Variants in ZBTB7C observed in about 807,000 individuals in gnomAD.
The protein encoded by ZBTB7C is zinc finger and BTB domain containing 7C, also known as zinc finger and BTB domain-containing protein 7C.
A neutral mutation model predicts 25.7 loss-of-function variants in ZBTB7C; 8 were observed. The ratio of observed to expected loss-of-function variants is 0.31; its 90% CI spans 0.18 to 0.56. The LOEUF is 0.56. ZBTB7C is among the 20% of genes least tolerant of loss of function. ZBTB7C has a pLI of 0.91. For synonymous variants in ZBTB7C, 394 were observed against 369.0 expected (o/e 1.07, Z -0.78); for missense variants, 824 against 855.2 (o/e 0.96, Z 0.46).
intron 1 of ZBTB7C, among the ~76,000 whole-genome samples, chr18:48,377,446 C>CA (rs2047545890): frequency 1.3e-5 from 2 of 152,136 alleles, no homozygotes; most frequent in Admixed American, 1.3e-4. Context: ...GAGGAGGTGA[C>CA]ATTTGAACTG....
At chr18:48,131,625 A>C (rs1408730428) in intron 3 of ZBTB7C, among the ~76,000 whole-genome samples, 2 of 152,212 alleles carry the variant, frequency 1.3e-5, no homozygotes, top group African/African-American at 2.4e-5. Flanking sequence ...TGGAGCTGAA[A>C]TATCAGCATG....
At chr18:48,255,760 C>T (rs1271627986) in intron 2 of ZBTB7C, among the ~76,000 whole-genome samples, 1 of 152,076 alleles carries the variant, frequency 6.6e-6, no homozygotes, top group East Asian at 1.9e-4. Context: ...GAAGTGTTGC[C>T]CAATTCTAGA....
intron 3 of ZBTB7C, chr18:48,137,191 C>A: frequency 4.1e-6 from 4 of 985,544 alleles, no homozygotes; most frequent in Non-Finnish European, 4.8e-6. Context: ...AGCACTCCCT[C>A]CCCACCCTCC....
At chr18:48,146,998 T>C (rs150433415) in intron 3 of ZBTB7C, among the ~76,000 whole-genome samples, 32 of 152,392 alleles carry the variant, frequency 2.1e-4, no homozygotes, top group Non-Finnish European at 4.1e-4. Context: ...CAGATTACTT[T>C]GTCTTCAACA....
intron 2 of ZBTB7C, among the ~76,000 whole-genome samples, chr18:48,330,643 T>G (rs1598886375): frequency 1.3e-5 from 2 of 148,372 alleles, no homozygotes; most frequent in African/African-American, 2.5e-5. Flanking sequence ...GTCCCAGTGG[T>G]TTCTGTATTT....
intron 2 of ZBTB7C, among the ~76,000 whole-genome samples, chr18:48,312,196 T>G (rs2144799643): frequency 6.6e-6 from 1 of 152,322 alleles, no homozygotes; most frequent in South Asian, 2.1e-4. Flanking sequence ...TCCAGTCCCC[T>G]CCTGGGCCTT....
intron 1 of ZBTB7C, among the ~76,000 whole-genome samples, chr18:48,339,467 G>T (rs144060709): frequency 1.6e-4 from 25 of 152,350 alleles, no homozygotes; most frequent in Non-Finnish European, 3.7e-4. Flanking sequence ...ATCCATTGGG[G>T]ATCCATTTAG....
chr18:48,248,206 G>A (rs984554583), intron 2 of ZBTB7C, among the ~76,000 whole-genome samples: 24 of 152,106 alleles, frequency 1.6e-4, no homozygotes, highest in African/African-American at 4.3e-4. Context: ...TATTTGCAGC[G>A]TGAGGACAGA....
At chr18:48,410,508 C>T (rs571086464), upstream of ZBTB7C, among the ~76,000 whole-genome samples, 235 of 152,326 alleles carry the variant, frequency 1.5e-3, 1 homozygote, top group African/African-American at 5.5e-3. Context: ...GAGAATCTCG[C>T]TGGGACGCCG....
chr18:48,124,975 C>A (rs748892462), intron 3 of ZBTB7C, among the ~76,000 whole-genome samples: 5 of 152,212 alleles, frequency 3.3e-5, no homozygotes, highest in Non-Finnish European at 7.3e-5. Context: ...CAGCTTTCAT[C>A]AGCCGTGGCA....
chr18:48,206,570 G>A (rs2042580989), intron 2 of ZBTB7C, among the ~76,000 whole-genome samples: 1 of 152,192 alleles, frequency 6.6e-6, no homozygotes, highest in Non-Finnish European at 1.5e-5. Flanking sequence ...TGAAGTGGGA[G>A]GATCGCTTCA....
chr18:48,378,759 C>A (rs1050683001), intron 1 of ZBTB7C, among the ~76,000 whole-genome samples: 4 of 151,976 alleles, frequency 2.6e-5, no homozygotes, highest in Non-Finnish European at 5.9e-5. Context: ...GAACAGAATG[C>A]TATAAAATGA....
chr18:48,255,549 G>T (rs997530417), intron 2 of ZBTB7C, among the ~76,000 whole-genome samples: 4 of 152,154 alleles, frequency 2.6e-5, no homozygotes, highest in African/African-American at 9.7e-5. Flanking sequence ...GAGAAAGAGA[G>T]ATATAATAGT....
At chr18:48,119,313 T>C (rs1178099436) in intron 3 of ZBTB7C, among the ~76,000 whole-genome samples, 1 of 152,262 alleles carries the variant, frequency 6.6e-6, no homozygotes, top group Non-Finnish European at 1.5e-5. Context: ...GATAAATTGT[T>C]TCCACCAGGT....
intron 1 of ZBTB7C, among the ~76,000 whole-genome samples, chr18:48,348,004 G>A (rs1350090880): frequency 6.6e-6 from 1 of 152,212 alleles, no homozygotes; most frequent in Non-Finnish European, 1.5e-5. Context: ...CCTGCCCCAG[G>A]GAGCAGCATG....
chr18:48,156,268 C>A (rs886836770), intron 3 of ZBTB7C, among the ~76,000 whole-genome samples: 2 of 152,152 alleles, frequency 1.3e-5, no homozygotes, highest in Non-Finnish European at 2.9e-5. Flanking sequence ...CACGGCATGG[C>A]GATAGACTTA....
At chr18:48,241,602 GA>G (rs1234259406) in intron 2 of ZBTB7C, among the ~76,000 whole-genome samples, 2 of 152,178 alleles carry the variant, frequency 1.3e-5, no homozygotes, top group African/African-American at 4.8e-5. Flanking sequence ...GCTCCTGAAT[GA>G]TTGTTGGTAC....
intron 2 of ZBTB7C, among the ~76,000 whole-genome samples, chr18:48,337,600 T>A (rs2046485692): frequency 6.6e-6 from 1 of 152,226 alleles, no homozygotes; most frequent in Admixed American, 6.5e-5. Flanking sequence ...CTCATCCACC[T>A]TTGATCATCT....
At chr18:48,090,382 A>T (rs868068418) in intron 3 of ZBTB7C, among the ~76,000 whole-genome samples, 1 of 152,222 alleles carries the variant, frequency 6.6e-6, no homozygotes, top group African/African-American at 2.4e-5. Context: ...CAGGGAGTTA[A>T]AAGTCCTTTG....
Sources: gnomAD v4.1 joint callset for allele counts (sites outside exome capture counted in the v4.1 genomes callset) on GRCh38, gnomAD v4.1.1 for gene constraint, MANE v1.5 for transcripts, NCBI Gene and HGNC (gene_info 2026-07-23, HGNC 2026-07-21) for gene names.